Variants in DNAH11 observed in about 807,000 individuals in gnomAD.
DNAH11 encodes axonemal beta dynein heavy chain 11.
Under a neutral mutation model 526.0 loss-of-function variants are expected in DNAH11, and 442 were observed. The observed-to-expected ratio is 0.84, with a 90% CI of 0.78 to 0.91. The LOEUF is 0.91. Among genes scored for constraint, DNAH11 ranks in the 40% least tolerant of loss-of-function variants. The probability of loss-of-function intolerance (pLI) is 0.00; values close to 1 mark genes in which losing one functional copy is unlikely to be tolerated. For synonymous variants in DNAH11, 2,461 were observed against 1,935.9 expected, an observed-to-expected ratio of 1.27 and a Z score of -7.12; for missense variants, 6,989 against 5,448.7, an observed-to-expected ratio of 1.28 and a Z score of -8.90.
At chr7:21,815,790 T>G (rs896044098) in intron 63 of DNAH11, among the ~76,000 whole-genome samples, 109 of 152,324 alleles carry the variant, frequency 7.2e-4, no homozygotes, top group African/African-American at 2.5e-3. Context: ...TATTTATTGT[T>G]GTCAATTTTT....
intron 66 of DNAH11, chr7:21,851,018 A>T (rs2128023059): frequency 6.5e-6 from 1 of 152,864 alleles, no homozygotes; most frequent in Non-Finnish European, 1.5e-5. Flanking sequence ...TGGCCTTCAG[A>T]AGAGTTACTC....
At chr7:21,664,900 G>A (rs10950867) in intron 30 of DNAH11, among the ~76,000 whole-genome samples, 56,369 of 151,980 alleles carry the variant, frequency 0.37, 12,280 homozygotes, top group Non-Finnish European at 0.49. Flanking sequence ...AGTATGAGAG[G>A]CACAACTGAA....
intron 5 of DNAH11, among the ~76,000 whole-genome samples, chr7:21,563,450 C>G (rs1203419404): frequency 6.6e-6 from 1 of 152,136 alleles, no homozygotes; most frequent in African/African-American, 2.4e-5. Flanking sequence ...CTCAACTAAT[C>G]CTTCCGAAGT....
chr7:21,882,252 A>G (rs1267006393), intron 75 of DNAH11, among the ~76,000 whole-genome samples: 1 of 152,176 alleles, frequency 6.6e-6, no homozygotes, highest in Non-Finnish European at 1.5e-5. Context: ...TGGAAACACC[A>G]GTTGACCAAC....
intron 14 of DNAH11, among the ~76,000 whole-genome samples, chr7:21,592,510 G>A (rs1390213424): frequency 6.6e-6 from 1 of 152,192 alleles, no homozygotes. Context: ...CATTATGTGG[G>A]GTTAGCAGGC....
intron 25 of DNAH11, among the ~76,000 whole-genome samples, chr7:21,631,167 T>A (rs1786585451): frequency 6.6e-6 from 1 of 152,070 alleles, no homozygotes; most frequent in South Asian, 2.1e-4. Flanking sequence ...AACCATCAGA[T>A]CTCTTGAGGC....
At chr7:21,799,667 A>G (rs1583708234) in intron 61 of DNAH11, among the ~76,000 whole-genome samples, 3 of 152,340 alleles carry the variant, frequency 2.0e-5, no homozygotes, top group African/African-American at 7.2e-5. Context: ...CTGGTGATGT[A>G]TAATATCTCC....
chr7:21,655,223 C>G (rs1022988275), intron 28 of DNAH11, among the ~76,000 whole-genome samples: 1 of 152,064 alleles, frequency 6.6e-6, no homozygotes, highest in Non-Finnish European at 1.5e-5. Flanking sequence ...GGTTCATTGT[C>G]TAACTGTCCA....
At chr7:21,669,434 G>A (rs1782552447) in intron 30 of DNAH11, among the ~76,000 whole-genome samples, 1 of 152,294 alleles carries the variant, frequency 6.6e-6, no homozygotes, top group South Asian at 2.1e-4. Flanking sequence ...GCCTCCCAAA[G>A]TGTTGGGATT....
At chr7:21,822,269 G>C (rs1790087743) in intron 65 of DNAH11, among the ~76,000 whole-genome samples, 1 of 152,124 alleles carries the variant, frequency 6.6e-6, no homozygotes, top group Non-Finnish European at 1.5e-5. Flanking sequence ...CACAATCATG[G>C]TGGAAGGTAA....
Position 21,545,110 on chromosome 7 carries a change from T to A in DNAH11, c.456T>A (p.Pro152=). The A allele has an allele frequency of 6.2e-7, 1 of 1,610,880 alleles. No homozygotes were observed. Among genetic ancestry groups the A allele is most frequent in the African/African-American group, 1.3e-5 (1 of 74,974 alleles). The change falls in exon 2 of 82, where the codon CCT becomes CCA. Residue 152 remains proline, a synonymous_variant. Coordinates refer to ENST00000409508, the MANE Select transcript of DNAH11 (RefSeq NM_001277115.2). ...AAGTGGTTTTATTTGGAGAGTTACC[T>A]GCGTTGTCTCTTGGACATGTATCTG... ...FSQVVLFGEL[P]ALSLGHVSAF... is the part of the protein sequence containing the mutation.
At chr7:21,622,054 G>T (rs1786087570) in intron 25 of DNAH11, among the ~76,000 whole-genome samples, 3 of 152,068 alleles carry the variant, frequency 2.0e-5, no homozygotes, top group South Asian at 4.1e-4. Context: ...TGACATGATT[G>T]TATATCTAGA....
intron 55 of DNAH11, among the ~76,000 whole-genome samples, chr7:21,772,563 C>T (rs1277742337): frequency 1.3e-5 from 2 of 148,968 alleles, no homozygotes; most frequent in Non-Finnish European, 2.9e-5. Context: ...ATATAAACTT[C>T]TTCATAAATT....
intron 65 of DNAH11, among the ~76,000 whole-genome samples, chr7:21,826,402 A>C (rs956966002): frequency 2.0e-5 from 3 of 152,214 alleles, no homozygotes; most frequent in Admixed American, 2.0e-4. Context: ...TCAATGCAGT[A>C]AAAGTTGGGA....
Position 21,735,787 on chromosome 7 carries a change from G to C in DNAH11, c.7588G>C (p.Asp2530His). 1 of 1,613,964 alleles carries C rather than the reference G, an allele frequency of 6.2e-7. No homozygotes were observed. Among genetic ancestry groups the C allele is most frequent in the Non-Finnish European group, 8.5e-7 (1 of 1,179,876 alleles). Residue 2530 changes from aspartate (D) to histidine (H), a missense_variant, in exon 46 of 82, where the codon GAT (aspartate) becomes CAT (histidine). Asp to His is a moderately conservative substitution (Grantham distance 81). Transcript: ENST00000409508. ...TGACACATTGGCAAGTCTCTCTGAG[G>C]ATTACATAGTATCCCGTGTGCCTTT... ...VGDTLASLSEDYIVSRVPFNY... is the reference protein window; with the variant it reads ...VGDTLASLSEHYIVSRVPFNY...
chr7:21,880,084 CA>C (rs57931095), intron 74 of DNAH11, among the ~76,000 whole-genome samples: 27,186 of 93,424 alleles, frequency 0.29, 2,659 homozygotes, highest in East Asian at 0.62. Context: ...GACTCCGTCT[CA>C]AAAAAAAAAA....
At chr7:21,743,126 T>G (rs977829645) in intron 49 of DNAH11, among the ~76,000 whole-genome samples, 1 of 152,206 alleles carries the variant, frequency 6.6e-6, no homozygotes, top group Admixed American at 6.5e-5. Flanking sequence ...AGACATGAAT[T>G]GTAGGGGCCG....
intron 79 of DNAH11, among the ~76,000 whole-genome samples, chr7:21,898,074 C>T (rs1467923556): frequency 6.6e-6 from 1 of 152,126 alleles, no homozygotes; most frequent in Non-Finnish European, 1.5e-5. Flanking sequence ...AATTTCCTTA[C>T]TATTTCCTAC....
At position 21,899,952 on chromosome 7, in the gene DNAH11, C is replaced by G. The variant is rs575100954; in HGVS notation, c.13163-28C>G. On this transcript the variant is annotated intron_variant, in intron 80 of 81. Coordinates refer to ENST00000409508, the MANE Select transcript of DNAH11 (RefSeq NM_001277115.2). ...GAACCTTACATGCAACACTTTTATC[C>G]TATTCAATTTTTGTTATATTTCCAA... is the stretch of plus-strand genomic sequence containing the variant. 43 of 1,611,922 alleles carry G rather than the reference C, an allele frequency of 2.7e-5. No individual in the cohort carries two copies. The South Asian group carries it at 4.5e-4, about 17-fold the overall frequency.
Sources: allele counts gnomAD v4.1 joint callset (sites outside exome capture counted in the v4.1 genomes callset), GRCh38; gene constraint gnomAD v4.1.1; transcripts MANE v1.5; gene names NCBI Gene and HGNC (gene_info 2026-07-23, HGNC 2026-07-21).